The following MIDEAS variants were observed in gnomAD, a reference collection of about 807,000 sequenced individuals.
MIDEAS encodes the protein mitotic deacetylase-associated SANT domain protein.
MIDEAS carries 26 observed loss-of-function variants against 102.7 expected under a neutral mutation model. That is an observed-to-expected ratio of 0.25 (90% confidence interval 0.19 to 0.35). The LOEUF is 0.35. MIDEAS is among the 10% of genes least tolerant of loss of function. MIDEAS has a pLI of 1.00. For synonymous variants in MIDEAS, 585 were observed against 591.0 expected (o/e 0.99, Z 0.15); for missense variants, 1,231 against 1,435.6 (o/e 0.86, Z 2.30).
At chr14:73,783,885 C>T (rs1461802700) in intron 1 of MIDEAS, among the ~76,000 whole-genome samples, 1 of 152,122 alleles carries the variant, frequency 6.6e-6, no homozygotes, top group African/African-American at 2.4e-5. Flanking sequence ...GGTGTTCGGC[C>T]TCCTTTTTTG....
At chr14:73,764,962 G>A (rs1197226571), upstream of MIDEAS, among the ~76,000 whole-genome samples, 1 of 152,378 alleles carries the variant, frequency 6.6e-6, no homozygotes, top group South Asian at 2.1e-4. Flanking sequence ...CTGGCCGGGT[G>A]TAGGGAGAAG....
chr14:73,755,206 A>T (rs1403268587), intron 1 of MIDEAS, among the ~76,000 whole-genome samples: 2 of 152,198 alleles, frequency 1.3e-5, no homozygotes, highest in African/African-American at 4.8e-5. Flanking sequence ...GAAGAGCAAC[A>T]GCAAGGGCGG....
At chr14:73,743,647 G>A (rs1474085248) in intron 1 of MIDEAS, among the ~76,000 whole-genome samples, 1 of 152,108 alleles carries the variant, frequency 6.6e-6, no homozygotes, top group Non-Finnish European at 1.5e-5. Flanking sequence ...TCACAGTGAG[G>A]AAGAGGAAGG....
At chr14:73,779,459 G>A (rs1227547114) in intron 1 of MIDEAS, among the ~76,000 whole-genome samples, 9 of 150,240 alleles carry the variant, frequency 6.0e-5, no homozygotes, top group East Asian at 2.0e-4. Flanking sequence ...GTGAATTGAC[G>A]CATCAAGAGC....
intron 12 of MIDEAS, 33 bp from the exon 13 acceptor site, chr14:73,719,041 C>G (rs1321352651): frequency 1.5e-5 from 22 of 1,452,770 alleles, no homozygotes; most frequent in Middle Eastern, 1.8e-4. Flanking sequence ...CAGAACCGGC[C>G]TAGCCCACCC....
intron 1 of MIDEAS, among the ~76,000 whole-genome samples, chr14:73,766,833 G>A (rs184676890): frequency 1.4e-4 from 21 of 146,500 alleles, no homozygotes; most frequent in Non-Finnish European, 2.7e-4. Context: ...GTTTACAGGC[G>A]TGTGCCACTG....
chr14:73,787,783 C>T (rs960604020), upstream of MIDEAS, among the ~76,000 whole-genome samples: 9 of 152,182 alleles, frequency 5.9e-5, no homozygotes, highest in African/African-American at 2.2e-4. Flanking sequence ...AAGACGTTTA[C>T]CACGTATCAC....
At chr14:73,722,613 G>A in intron 10 of MIDEAS, 85 bp downstream of exon 10, 2 of 1,527,070 alleles carry the variant, frequency 1.3e-6, no homozygotes, top group Non-Finnish European at 1.8e-6. Flanking sequence ...CAGGCTCCTG[G>A]AGAGCTCGGG....
chr14:73,780,943 TG>T (rs67146208), intron 1 of MIDEAS, among the ~76,000 whole-genome samples: 10 of 139,162 alleles, frequency 7.2e-5, no homozygotes, highest in South Asian at 4.8e-4. Flanking sequence ...TTTGTTTTTT[TG>T]TTGTTGTTGT....
rs1488858989 is a variant in MIDEAS, at chr14:73,718,712, C to A, written c.*131G>T. The A allele has an allele frequency of 5.3e-5, 50 of 951,996 alleles. No homozygotes were observed. The highest frequency in any genetic ancestry group is 6.9e-5 in the Non-Finnish European group (49 of 708,872). 59.0% of individuals were successfully genotyped at this position (951,996 alleles called of 1,614,324 possible). A position where few individuals can be genotyped will look rare whatever the true frequency, so the allele number is the denominator to read the frequency against. On this transcript the variant is annotated 3_prime_UTR_variant, in exon 13 of 13. Transcript: ENST00000423556. ...AAAAGAGCCGTTTATGTCATTGTCT[C>A]ATTTGTTTCGCAGGGAAAAGTCCCT...
chr14:73,742,005 G>GCATT lies in MIDEAS; in HGVS notation c.-247-1754_-247-1751dup. ...CAACCTTTCTCTTGCTTTTAAACCC[G>GCATT]CATTCCCTGACAGCCAACCTAATTC... is the stretch of plus-strand genomic sequence containing the variant. On this transcript the variant is annotated intron_variant, in intron 1 of 12. Transcript: ENST00000423556. This position sits in a 1 kb window ranked among gnomAD's most constrained non-coding sequence, Gnocchi z 4.4. Among the ~76,000 whole-genome samples, 1 of 152,192 alleles carries GCATT rather than the reference G, an allele frequency of 6.6e-6. No individual in the cohort carries two copies.
In MIDEAS at chr14:73,717,692, C is replaced by T. The variant is rs1048044688; in HGVS notation, c.*1151G>A. On this transcript the variant is annotated 3_prime_UTR_variant, in exon 13 of 13. Transcript: ENST00000423556. ...ACTCGGGCCTCTGAAAAGCAGGAGG[C>T]CCCTGGTCCCTGAGAGGATGTTAAA... The T allele has an allele frequency of 2.0e-5, 3 of 152,604 alleles. No homozygotes were observed. Among genetic ancestry groups the T allele is most frequent in the African/African-American group, 7.2e-5 (3 of 41,430 alleles). The allele number at this position is 152,604 out of a possible 1,614,324, so 9.5% of individuals were successfully genotyped here.
At chr14:73,724,867 G>C in intron 9 of MIDEAS, 1 of 185,146 alleles carries the variant, frequency 5.4e-6, no homozygotes, top group African/African-American at 2.3e-5. Flanking sequence ...GTGGGCAGAG[G>C]CCCCCAGGTC....
At chr14:73,748,484 T>C (rs1358126958) in intron 1 of MIDEAS, among the ~76,000 whole-genome samples, 2 of 152,056 alleles carry the variant, frequency 1.3e-5, no homozygotes, top group Admixed American at 6.5e-5. Context: ...TGAGCCCAGA[T>C]TGCGCCACTG....
At chr14:73,771,989 G>A (rs894121067) in intron 1 of MIDEAS, among the ~76,000 whole-genome samples, 2 of 152,228 alleles carry the variant, frequency 1.3e-5, no homozygotes, top group South Asian at 4.1e-4. Context: ...TGGGCGGGTG[G>A]CTCAAAGCCT....
At chr14:73,733,080 G>A (rs942381528) in intron 3 of MIDEAS, among the ~76,000 whole-genome samples, 2 of 151,496 alleles carry the variant, frequency 1.3e-5, no homozygotes, top group African/African-American at 2.4e-5. Context: ...CCACAAGGGC[G>A]AAACCCCGTC....
Position 73,729,648 on chromosome 14 carries a change from A to T in MIDEAS, c.2087T>A (p.Leu696His). The T allele has an allele frequency of 6.2e-7, 1 of 1,607,306 alleles. No homozygotes were observed. Among genetic ancestry groups the T allele is most frequent in the Non-Finnish European group, 8.5e-7 (1 of 1,175,720 alleles). Residue 696 changes from leucine to histidine, a missense_variant, in exon 4 of 13, where the codon CTC becomes CAC. Leu to His is a moderately conservative substitution (Grantham distance 99). Coordinates refer to ENST00000423556, the MANE Select transcript of MIDEAS (RefSeq NM_001367710.1). Reference protein sequence around the residue: ...ITPKSAHRTLLRTNSAEVTPP... With the variant: ...ITPKSAHRTLHRTNSAEVTPP... ...GGAGGGAGGTCACTCACTAGTCCGG[A>T]GCAGCGTGCGATGGGCACTCTTAGG...
chr14:73,762,417 G>A (rs1032653262), upstream of MIDEAS, among the ~76,000 whole-genome samples: 2 of 152,298 alleles, frequency 1.3e-5, no homozygotes, highest in East Asian at 1.9e-4. Flanking sequence ...ACCTTGGAGC[G>A]GCACCGCCCT....
chr14:73,771,145 C>T (rs1365394548), intron 1 of MIDEAS, among the ~76,000 whole-genome samples: 1 of 152,188 alleles, frequency 6.6e-6, no homozygotes, highest in Non-Finnish European at 1.5e-5. Flanking sequence ...GTGCCCTGAG[C>T]CCATACTCTC....
Sources: gnomAD v4.1 joint callset for allele counts (sites outside exome capture counted in the v4.1 genomes callset) on GRCh38, gnomAD v4.1.1 for gene constraint, Gnocchi (gnomAD v3.1) non-coding constraint, MANE v1.5 for transcripts, NCBI Gene and HGNC (gene_info 2026-07-23, HGNC 2026-07-21) for gene names.